CDH11: variants seen among roughly 807,000 people sequenced by gnomAD.
CDH11 encodes the protein cadherin-11.
In CDH11, 11 loss-of-function variants were observed where a neutral mutation model predicts 67.8. The ratio of observed to expected loss-of-function variants is 0.16; its 90% CI spans 0.10 to 0.27. The LOEUF (loss-of-function observed/expected upper bound fraction) is 0.27. Among genes scored for constraint, CDH11 ranks in the 10% least tolerant of loss-of-function variants. The pLI is 1.00. For synonymous variants in CDH11, 419 were observed against 400.0 expected, an observed-to-expected ratio of 1.05 and a Z score of -0.57; for missense variants, 847 against 1,031.2, an observed-to-expected ratio of 0.82 and a Z score of 2.45.
At chr16:65,008,727 T>C (rs1045621491) in intron 2 of CDH11, among the ~76,000 whole-genome samples, 2 of 152,174 alleles carry the variant, frequency 1.3e-5, no homozygotes, top group East Asian at 3.9e-4. Context: ...ATCACAACTC[T>C]TGCCATTTGT....
At chr16:65,102,381 C>A (rs997476852) in intron 1 of CDH11, among the ~76,000 whole-genome samples, 3 of 152,172 alleles carry the variant, frequency 2.0e-5, no homozygotes, top group African/African-American at 7.2e-5. Context: ...TGCAACATCA[C>A]CATATACCCA....
chr16:64,966,196 G>A (rs1220502705), intron 11 of CDH11, among the ~76,000 whole-genome samples: 1 of 151,970 alleles, frequency 6.6e-6, no homozygotes, highest in Non-Finnish European at 1.5e-5. Flanking sequence ...ATACAAAAAT[G>A]AAGAAAACTA....
intron 11 of CDH11, among the ~76,000 whole-genome samples, chr16:64,957,946 C>T (rs2071563356): frequency 1.3e-5 from 2 of 152,286 alleles, no homozygotes; most frequent in South Asian, 4.1e-4. Flanking sequence ...TGACAATACA[C>T]TCCTGATGTT....
intron 1 of CDH11, among the ~76,000 whole-genome samples, chr16:65,088,092 C>T (rs985269607): frequency 6.6e-6 from 1 of 152,086 alleles, no homozygotes; most frequent in Non-Finnish European, 1.5e-5. Flanking sequence ...CATGAGGGCT[C>T]CAAGCTCGGG....
chr16:64,974,263 T>C (rs2072099790), intron 8 of CDH11, among the ~76,000 whole-genome samples: 1 of 152,162 alleles, frequency 6.6e-6, no homozygotes, highest in Non-Finnish European at 1.5e-5. Context: ...TTATGTTAAT[T>C]CAGGTAGTAC....
intron 1 of CDH11, among the ~76,000 whole-genome samples, chr16:65,118,018 C>T (rs2075271338): frequency 6.6e-6 from 1 of 152,220 alleles, no homozygotes; most frequent in Admixed American, 6.5e-5. Context: ...TGACCAACTG[C>T]TCGAGCAGTA....
At chr16:65,074,275 C>T (rs543298347) in intron 1 of CDH11, among the ~76,000 whole-genome samples, 2 of 152,218 alleles carry the variant, frequency 1.3e-5, no homozygotes, top group African/African-American at 4.8e-5. Context: ...TAAAACAGTG[C>T]CAGCTCGATA....
intron 1 of CDH11, among the ~76,000 whole-genome samples, chr16:65,115,723 A>C (rs1177132845): frequency 7.4e-5 from 3 of 40,406 alleles, no homozygotes; most frequent in South Asian, 9.5e-4. Context: ...AAAAAAAAAC[A>C]AAAAAACAAA....
At chr16:64,973,269 A>G (rs921042253) in intron 8 of CDH11, among the ~76,000 whole-genome samples, 7 of 152,224 alleles carry the variant, frequency 4.6e-5, no homozygotes, top group African/African-American at 1.7e-4. Flanking sequence ...GTTGTTTAGC[A>G]TATTTGATTG....
intron 1 of CDH11, among the ~76,000 whole-genome samples, chr16:65,101,196 CAA>C (rs763796461): frequency 5.6e-4 from 85 of 152,160 alleles, no homozygotes; most frequent in Non-Finnish European, 1.1e-3. Context: ...CTCAGAACCC[CAA>C]GAGATGCATA....
At chr16:64,952,911 T>C (rs1396187421) in intron 11 of CDH11, among the ~76,000 whole-genome samples, 2 of 152,208 alleles carry the variant, frequency 1.3e-5, no homozygotes, top group Non-Finnish European at 2.9e-5. Context: ...CCTTGGTATC[T>C]GCCGGGAATT....
At chr16:64,982,378 G>T in intron 7 of CDH11, 77 bp from the exon 8 acceptor site, 1 of 1,154,562 alleles carries the variant, frequency 8.7e-7, no homozygotes, top group Non-Finnish European at 1.3e-6. Context: ...TTGTTTTATA[G>T]GGACGAGTGA....
chr16:65,049,217 G>A (rs2074015190), intron 2 of CDH11, among the ~76,000 whole-genome samples: 1 of 152,128 alleles, frequency 6.6e-6, no homozygotes, highest in Non-Finnish European at 1.5e-5. Context: ...AACTCAAGTA[G>A]AGATTTAGGA....
intron 2 of CDH11, among the ~76,000 whole-genome samples, chr16:65,027,549 T>C (rs777300505): frequency 1.3e-5 from 2 of 152,204 alleles, no homozygotes; most frequent in African/African-American, 2.4e-5. Context: ...GCTGCCCTGA[T>C]GAACTAAGGA....
Position 65,004,922 on chromosome 16 carries a change from C to T in CDH11, c.-53G>A. The T allele has an allele frequency of 6.8e-7, 1 of 1,465,846 alleles. No homozygotes were observed. Among genetic ancestry groups the T allele is most frequent in the Non-Finnish European group, 9.1e-7 (1 of 1,103,044 alleles). 90.8% of individuals were successfully genotyped at this position (1,465,846 alleles called of 1,614,324 possible). A position where few individuals can be genotyped will look rare whatever the true frequency, so the allele number is the denominator to read the frequency against. ...ATGCAGCTGTCACCCCTTCCACCAA[C>T]TGTACGGTGGTCTTGCTGAGGGTGG... On this transcript the variant is annotated 5_prime_UTR_variant, in exon 3 of 13. Transcript: ENST00000268603.
At position 65,107,882 on chromosome 16, in the gene CDH11, G is replaced by A. The variant is rs1358259891; in HGVS notation, c.-298+13998C>T. 8.5e-5 allele frequency among the ~76,000 whole-genome samples: 13 copies of A among 152,122 alleles called. No homozygotes were observed. The East Asian group carries it at 2.5e-3, about 29-fold the overall frequency. The stretch of plus-strand genomic sequence containing the variant: ...GCCACTTTACAGATGAGGAAACTGA[G>A]GTTAATTGGCTTTCTCAAGGCCACA... On this transcript the variant is annotated intron_variant, in intron 1 of 12. Transcript: ENST00000268603.
chr16:65,105,095 C>T (rs1022194560), intron 1 of CDH11, among the ~76,000 whole-genome samples: 1 of 151,976 alleles, frequency 6.6e-6, no homozygotes, highest in Non-Finnish European at 1.5e-5. Flanking sequence ...TCTCTCTGTC[C>T]ACGTTTGCAG....
At chr16:65,034,007 A>C (rs946424696) in intron 2 of CDH11, among the ~76,000 whole-genome samples, 2 of 152,190 alleles carry the variant, frequency 1.3e-5, no homozygotes, top group Non-Finnish European at 2.9e-5. Flanking sequence ...ATTATGGAAC[A>C]GTATTACGGG....
chr16:64,950,767 C>T lies in CDH11; in HGVS notation c.1894G>A (p.Val632Ile), dbSNP rs1454976552. ...AILACIVILLVIVVLFVTLRR... is the reference protein window; with the variant it reads ...AILACIVILLIIVVLFVTLRR... ...GCAGGGGACCAGGAAGCGCCCTTACCCAGGAGAATGACGATGCAGGCGAGG... is the reference window on the plus strand; with the variant it reads ...GCAGGGGACCAGGAAGCGCCCTTACTCAGGAGAATGACGATGCAGGCGAGG... Residue 632 changes from valine to isoleucine, a missense_variant and splice_region_variant, in exon 12 of 13, where the codon GTC becomes ATC. Val to Ile is a conservative substitution (Grantham distance 29). This residue lies in a region of CDH11 where 612 missense variants were observed against 678.7 expected (regional missense o/e 0.90). Transcript: ENST00000268603. The T allele has an allele frequency of 1.2e-6, 2 of 1,613,158 alleles. No homozygotes were observed. Among genetic ancestry groups the T allele is most frequent in the African/African-American group, 2.7e-5 (2 of 74,894 alleles).
Sources: gnomAD v4.1 joint callset for allele counts (sites outside exome capture counted in the v4.1 genomes callset) on GRCh38, gnomAD v4.1.1 for gene constraint, gnomAD v4.1.1 regional missense constraint, MANE v1.5 for transcripts, NCBI Gene and HGNC (gene_info 2026-07-23, HGNC 2026-07-21) for gene names.